Variants in ZNF273 observed in about 807,000 individuals in gnomAD.
ZNF273 encodes zinc finger protein 273.
Under a neutral mutation model 14.9 loss-of-function variants are expected in ZNF273, and 11 were observed. The observed-to-expected ratio is 0.74, with a 90% CI of 0.46 to 1.22. The LOEUF (loss-of-function observed/expected upper bound fraction) is 1.22, where lower values mean the gene tolerates loss of function less well. Among genes scored for constraint, ZNF273 ranks in the 50% most tolerant of loss-of-function variants. The pLI, the probability that ZNF273 is intolerant of heterozygous loss-of-function variation, is 0.00. For missense variants in ZNF273, 577 were observed against 660.6 expected (o/e 0.87, Z 1.39); for synonymous variants, 199 against 223.9 (o/e 0.89, Z 0.99).
At chr7:64,883,214 A>C (rs867805170), downstream of ZNF273, among the ~76,000 whole-genome samples, 1,395 of 120,998 alleles carry the variant, frequency 0.012, 6 homozygotes, top group Middle Eastern at 0.026. Flanking sequence ...CCAAATCACC[A>C]CCCCCCCCTC....
exon 4 of ZNF273, chr7:64,897,380 G>C (rs1490246022): frequency 6.6e-6 from 1 of 152,304 alleles, no homozygotes; most frequent in Non-Finnish European, 1.5e-5. Flanking sequence ...AGACTGGAGT[G>C]CAGTGGCGCA....
At chr7:64,906,559 T>A (rs1444504562) in intron 1 of ZNF273, among the ~76,000 whole-genome samples, 1 of 152,174 alleles carries the variant, frequency 6.6e-6, no homozygotes, top group Non-Finnish European at 1.5e-5. Context: ...GCCCAGTGAC[T>A]CTAAGCTAAG....
intron 1 of ZNF273, among the ~76,000 whole-genome samples, chr7:64,886,326 G>A (rs1791576614): frequency 1.3e-5 from 2 of 152,206 alleles, no homozygotes; most frequent in African/African-American, 4.8e-5. Context: ...TTAAAGTGGG[G>A]TGGGGTAGAC....
downstream of ZNF273, chr7:64,893,855 G>A (rs1005970623): frequency 6.5e-6 from 1 of 153,528 alleles, no homozygotes; most frequent in Non-Finnish European, 1.5e-5. Flanking sequence ...TACCCAGCAA[G>A]TTACCACCGC....
chr7:64,879,631 G>C (rs1791198432), exon 3 of ZNF273: 1 of 152,316 alleles, frequency 6.6e-6, no homozygotes, highest in African/African-American at 2.4e-5. Flanking sequence ...GATGAAGGAA[G>C]ACAGTGAGCT....
intron 1 of ZNF273, among the ~76,000 whole-genome samples, chr7:64,912,178 T>C (rs528495874): frequency 1.3e-5 from 2 of 152,256 alleles, no homozygotes; most frequent in South Asian, 4.2e-4. Flanking sequence ...GCCAGGCTGG[T>C]CTTGAACAGA....
chr7:64,903,294 T>A lies in ZNF273; in HGVS notation c.-24T>A. 2 of 1,583,966 alleles carry A rather than the reference T, an allele frequency of 1.3e-6. No homozygotes were observed. Among genetic ancestry groups the A allele is most frequent in the Non-Finnish European group, 1.7e-6 (2 of 1,154,898 alleles). On this transcript the variant is annotated 5_prime_UTR_variant, in exon 1 of 4. Coordinates refer to ENST00000476120, the MANE Select transcript of ZNF273 (RefSeq NM_021148.3). Reference sequence around the variant, plus strand: ...CTTTGTCTCTCGCTGCAGTCGCAGCTCCAGGTCTCGTCTTCACTGCTCTAT... The same window carrying A: ...CTTTGTCTCTCGCTGCAGTCGCAGCACCAGGTCTCGTCTTCACTGCTCTAT...
chr7:64,886,211 T>C (rs12537516), intron 1 of ZNF273, among the ~76,000 whole-genome samples: 6,384 of 152,284 alleles, frequency 0.042, 159 homozygotes, highest in Middle Eastern at 0.082. Context: ...CAGTAGGCTC[T>C]GAAGAGGCCT....
rs994333982 is a variant in ZNF273 at position 64,929,641 on chromosome 7, C to T, written c.*603C>T. On this transcript the variant is annotated 3_prime_UTR_variant, in exon 4 of 4. Transcript: ENST00000476120. ...ACAATACAGATATCTAAGATACTGA[C>T]ACTTCAGACATTACACAAAATCAGA... 1 of 152,182 alleles carries T rather than the reference C, an allele frequency of 6.6e-6. No homozygotes were observed. The highest frequency in any genetic ancestry group is 2.4e-5 in the African/African-American group (1 of 41,430). The allele number at this position is 152,182 out of a possible 1,614,324, so 9.4% of individuals were successfully genotyped here.
Position 64,927,822 on chromosome 7 carries a change from G to T in ZNF273, c.494G>T (p.Gly165Val). The T allele has an allele frequency of 6.2e-7, 1 of 1,613,982 alleles. No individual in the cohort carries two copies. Among genetic ancestry groups the T allele is most frequent in the Non-Finnish European group, 8.5e-7 (1 of 1,179,978 alleles). Residue 165 changes from glycine (G) to valine (V), a missense_variant, in exon 4 of 4, where the codon GGA becomes GTA. Around this residue, in one of 3 missense-constraint regions of ZNF273, gnomAD observed 162 missense variants for 203.5 expected, o/e 0.80. Coordinates refer to ENST00000476120, the MANE Select transcript of ZNF273 (RefSeq NM_021148.3). ...AAGGTGCACAAAAGAGGTTATAATG[G>T]ACTTAACCAATGTTTGACAACTACC... ...EHKVHKRGYNGLNQCLTTTQS... is the reference protein window; with the variant it reads ...EHKVHKRGYNVLNQCLTTTQS...
At chr7:64,932,676 C>CT, downstream of ZNF273, among the ~76,000 whole-genome samples, 1 of 152,152 alleles carries the variant, frequency 6.6e-6, no homozygotes, top group Middle Eastern at 3.4e-3. Flanking sequence ...AATCCTAGCA[C>CT]TTTGGGAGCC....
intron 1 of ZNF273, among the ~76,000 whole-genome samples, chr7:64,914,180 GTATTT>G (rs1793775617): frequency 1.6e-5 from 1 of 63,072 alleles, no homozygotes; most frequent in Non-Finnish European, 2.9e-5. Context: ...GGTAATTTTT[GTATTT>G]TTTTTTTTTT....
chr7:64,890,723 ATC>A, downstream of ZNF273, among the ~76,000 whole-genome samples: 1 of 152,292 alleles, frequency 6.6e-6, no homozygotes, highest in South Asian at 2.1e-4. Flanking sequence ...TTTACCTGTT[ATC>A]TGTTTTCATC....
chr7:64,910,660 T>C (rs983633026), intron 1 of ZNF273, among the ~76,000 whole-genome samples: 5 of 152,244 alleles, frequency 3.3e-5, no homozygotes, highest in African/African-American at 1.2e-4. Context: ...TTGCCTTGGC[T>C]ATTCAAGTTT....
chr7:64,877,787 A>T (rs1024955258), exon 1 of ZNF273: 1 of 152,302 alleles, frequency 6.6e-6, no homozygotes, highest in Admixed American at 6.5e-5. Context: ...TACAGCGCAA[A>T]ATTCCTAAGG....
the ZNF273 span, among the ~76,000 whole-genome samples, chr7:64,936,694 C>T: frequency 6.6e-6 from 1 of 152,104 alleles, no homozygotes; most frequent in Non-Finnish European, 1.5e-5. Flanking sequence ...GTCTTCTTAG[C>T]TAAAAATTTT....
chr7:64,917,927 G>A (rs1489867284), intron 2 of ZNF273, among the ~76,000 whole-genome samples: 1 of 151,956 alleles, frequency 6.6e-6, no homozygotes, highest in Admixed American at 6.6e-5. Flanking sequence ...TAGATTAATG[G>A]TAATTCCAAA....
chr7:64,912,832 T>TTTTTGTTTTTTG (rs1793652070), intron 1 of ZNF273, among the ~76,000 whole-genome samples: 3 of 61,198 alleles, frequency 4.9e-5, no homozygotes, highest in Non-Finnish European at 9.9e-5. Flanking sequence ...TTTAGTTTTT[T>TTTTTGTTTTTTG]TTTTTTTTTT....
In ZNF273 at chr7:64,928,253, A is replaced by G; in HGVS notation, c.925A>G (p.Lys309Glu). Residue 309 changes from lysine (K) to glutamate (E), a missense_variant, in exon 4 of 4, where the codon AAG (lysine) becomes GAG (glutamate). By Grantham distance (56) the Lys-to-Glu change is moderately conservative. Coordinates refer to ENST00000476120, the MANE Select transcript of ZNF273 (RefSeq NM_021148.3). ...FSVFSVLTKH[K>E]IIHTGTKPYN... ...TGTATTTTCAGTCCTTACTAAACAT[A>G]AGATAATTCATACAGGAACAAAACC... is the stretch of plus-strand genomic sequence containing the variant. The G allele has an allele frequency of 6.2e-7, 1 of 1,612,896 alleles. No individual in the cohort carries two copies. Among genetic ancestry groups the G allele is most frequent in the South Asian group, 1.1e-5 (1 of 90,910 alleles).
Sources: allele counts gnomAD v4.1 joint callset (sites outside exome capture counted in the v4.1 genomes callset), GRCh38; gene constraint gnomAD v4.1.1; regional missense constraint gnomAD v4.1.1; transcripts MANE v1.5; gene names NCBI Gene and HGNC (gene_info 2026-07-23, HGNC 2026-07-21).